The following SHISA6 variants were observed in gnomAD, a reference collection of about 807,000 sequenced individuals.
The protein encoded by SHISA6 is protein shisa-6.
A neutral mutation model predicts 47.9 loss-of-function variants in SHISA6; 22 were observed. The observed-to-expected ratio is 0.46, with a 90% CI of 0.33 to 0.66. The LOEUF (loss-of-function observed/expected upper bound fraction) is 0.66. Ranked by LOEUF, SHISA6 falls within the 30% of genes least tolerant of loss-of-function variation. The pLI, the probability that SHISA6 is intolerant of heterozygous loss-of-function variation, is 0.02. For synonymous variants in SHISA6, 388 were observed against 337.8 expected, an observed-to-expected ratio of 1.15 and a Z score of -1.63; for missense variants, 680 against 764.6, an observed-to-expected ratio of 0.89 and a Z score of 1.30.
At chr17:11,469,381 T>C (rs1314213971) in intron 3 of SHISA6, among the ~76,000 whole-genome samples, 1 of 152,062 alleles carries the variant, frequency 6.6e-6, no homozygotes. Flanking sequence ...AGGAATAGTC[T>C]CCCCTAGAGC....
chr17:11,416,698 A>G (rs894630311), intron 3 of SHISA6, among the ~76,000 whole-genome samples: 2 of 152,198 alleles, frequency 1.3e-5, no homozygotes, highest in Non-Finnish European at 2.9e-5. Flanking sequence ...CTTTATGTAT[A>G]TTGACTATGT....
chr17:11,508,552 TC>T lies in SHISA6; in HGVS notation c.896-43340del, dbSNP rs533111286. Among the ~76,000 whole-genome samples, 1,057 of 107,122 alleles carry T rather than the reference TC, an allele frequency of 9.9e-3. 158 individuals carry two copies. The highest frequency in any genetic ancestry group is 0.035 in the African/African-American group (941 of 26,648). The allele number at this position is 107,122 out of a possible 152,430, so 70.3% of individuals were successfully genotyped here. On this transcript the variant is annotated intron_variant, in intron 3 of 5. Coordinates refer to ENST00000441885, the MANE Select transcript of SHISA6 (RefSeq NM_207386.4). ...GGTTGAATCAGCCCCTCCCCTCCTC[TC>T]CCCTCCCCTCCCCTCCCCTTCCTTT... is the stretch of plus-strand genomic sequence containing the variant.
At chr17:11,480,826 G>A (rs770962844) in intron 3 of SHISA6, among the ~76,000 whole-genome samples, 9 of 152,168 alleles carry the variant, frequency 5.9e-5, no homozygotes, top group Non-Finnish European at 7.3e-5. Flanking sequence ...GAAGGTCCCC[G>A]AGGAGAACCT....
chr17:11,273,735 G>C (rs909428876), intron 2 of SHISA6, among the ~76,000 whole-genome samples: 1 of 152,182 alleles, frequency 6.6e-6, no homozygotes, highest in African/African-American at 2.4e-5. Context: ...CAGCCTGCCC[G>C]CAGGCGCAGG....
At chr17:11,464,697 C>T (rs1489927009) in intron 3 of SHISA6, among the ~76,000 whole-genome samples, 1 of 152,212 alleles carries the variant, frequency 6.6e-6, no homozygotes, top group African/African-American at 2.4e-5. Flanking sequence ...AATCCCAGCA[C>T]TTTGGGAGGC....
At chr17:11,336,150 A>G (rs527510200) in intron 2 of SHISA6, among the ~76,000 whole-genome samples, 3 of 152,122 alleles carry the variant, frequency 2.0e-5, no homozygotes, top group African/African-American at 7.2e-5. Context: ...TGGAGGTTGC[A>G]GTGAGCTGAG....
chr17:11,309,503 G>A (rs1373406618), intron 2 of SHISA6, among the ~76,000 whole-genome samples: 1 of 152,152 alleles, frequency 6.6e-6, no homozygotes, highest in Non-Finnish European at 1.5e-5. Flanking sequence ...AACCTGGATT[G>A]GGCCATTCCC....
At chr17:11,534,723 A>G (rs2071770487) in intron 3 of SHISA6, among the ~76,000 whole-genome samples, 1 of 152,206 alleles carries the variant, frequency 6.6e-6, no homozygotes, top group Non-Finnish European at 1.5e-5. Flanking sequence ...ACAAGTGGTA[A>G]TGTGGGAAAA....
At chr17:11,513,834 T>G (rs1471394570) in intron 3 of SHISA6, among the ~76,000 whole-genome samples, 1 of 152,042 alleles carries the variant, frequency 6.6e-6, no homozygotes, top group Non-Finnish European at 1.5e-5. Flanking sequence ...GGAGACCGAG[T>G]ATATAAACCA....
At chr17:11,281,684 C>A (rs1445910254) in intron 2 of SHISA6, among the ~76,000 whole-genome samples, 1 of 151,996 alleles carries the variant, frequency 6.6e-6, no homozygotes, top group Non-Finnish European at 1.5e-5. Context: ...ATGTTTTTTT[C>A]TCTCAATTTT....
intron 3 of SHISA6, among the ~76,000 whole-genome samples, chr17:11,549,967 A>G (rs913497670): frequency 6.6e-6 from 1 of 152,106 alleles, no homozygotes; most frequent in Non-Finnish European, 1.5e-5. Flanking sequence ...CCTGGCTTCA[A>G]CCTAATCTGT....
chr17:11,451,839 T>C (rs1915410433), intron 3 of SHISA6, among the ~76,000 whole-genome samples: 1 of 152,190 alleles, frequency 6.6e-6, no homozygotes, highest in South Asian at 2.1e-4. Flanking sequence ...TCCAGAGATG[T>C]TCAAGCTTTA....
chr17:11,440,531 T>C (rs1915067293), intron 3 of SHISA6, among the ~76,000 whole-genome samples: 4 of 151,086 alleles, frequency 2.6e-5, no homozygotes, highest in Admixed American at 2.6e-4. Context: ...CAAATAGCCT[T>C]AGGGCTAACT....
At chr17:11,556,179 T>C (rs2071977739) in intron 5 of SHISA6, among the ~76,000 whole-genome samples, 1 of 152,070 alleles carries the variant, frequency 6.6e-6, no homozygotes, top group African/African-American at 2.4e-5. Context: ...GAGAAAGCCT[T>C]CTCCCAGTCC....
chr17:11,418,244 C>A (rs28652965), intron 3 of SHISA6, among the ~76,000 whole-genome samples: 2,246 of 152,118 alleles, frequency 0.015, 55 homozygotes, highest in African/African-American at 0.049. Context: ...GATGGTATAT[C>A]ATTTGTCCCA....
intron 3 of SHISA6, among the ~76,000 whole-genome samples, chr17:11,520,266 C>T (rs534330881): frequency 1.1e-4 from 17 of 152,292 alleles, no homozygotes; most frequent in Non-Finnish European, 1.6e-4. Flanking sequence ...ACCAACTGTG[C>T]GCCCAACAAA....
intron 3 of SHISA6, among the ~76,000 whole-genome samples, chr17:11,548,682 G>C (rs908558097): frequency 3.9e-5 from 6 of 151,976 alleles, no homozygotes; most frequent in Non-Finnish European, 8.8e-5. Flanking sequence ...GTGTGCTCAG[G>C]GTTGTTTGAT....
chr17:11,537,301 C>T (rs1355088541), intron 3 of SHISA6, among the ~76,000 whole-genome samples: 1 of 152,038 alleles, frequency 6.6e-6, no homozygotes, highest in African/African-American at 2.4e-5. Flanking sequence ...GACAGAAGCA[C>T]AGGAATCAGT....
At chr17:11,472,185 T>G (rs150567064) in intron 3 of SHISA6, among the ~76,000 whole-genome samples, 148 of 152,290 alleles carry the variant, frequency 9.7e-4, no homozygotes, top group African/African-American at 3.2e-3. Flanking sequence ...ATCATATCAG[T>G]ATGCAGTCTT....
Sources: allele counts gnomAD v4.1 joint callset (sites outside exome capture counted in the v4.1 genomes callset), GRCh38; gene constraint gnomAD v4.1.1; transcripts MANE v1.5; gene names NCBI Gene and HGNC (gene_info 2026-07-23, HGNC 2026-07-21).